The following HSCB variants were observed in gnomAD, a reference collection of about 807,000 sequenced individuals.
The protein encoded by HSCB is HscB mitochondrial iron-sulfur cluster cochaperone, also known as iron-sulfur cluster co-chaperone protein HscB.
A neutral mutation model predicts 31.3 loss-of-function variants in HSCB; 23 were observed. The observed-to-expected ratio is 0.74, with a 90% CI of 0.53 to 1.04. The LOEUF (loss-of-function observed/expected upper bound fraction) is 1.04. Among genes scored for constraint, HSCB ranks in the 50% least tolerant of loss-of-function variants. The pLI, the probability that HSCB is intolerant of heterozygous loss-of-function variation, is 0.00. For synonymous variants in HSCB, 110 were observed against 104.5 expected (o/e 1.05, Z -0.32); for missense variants, 297 against 288.1 (o/e 1.03, Z -0.22).
chr22:28,756,224 G>C (rs1377972215), intron 5 of HSCB, among the ~76,000 whole-genome samples: 1 of 151,406 alleles, frequency 6.6e-6, no homozygotes, highest in African/African-American at 2.4e-5. Flanking sequence ...CTCCAGCCTG[G>C]GCAACAGAGT....
chr22:28,742,445 G>T (rs1438923987), intron 1 of HSCB, 114 bp downstream of exon 1: 19 of 1,481,400 alleles, frequency 1.3e-5, no homozygotes, highest in Middle Eastern at 2.0e-4. Flanking sequence ...TGATGGGGGG[G>T]CGGAGGTCTA....
chr22:28,756,445 T>C lies in HSCB; in HGVS notation c.617-633T>C, dbSNP rs186638391. Among the ~76,000 whole-genome samples the C allele has an allele frequency of 7.5e-4, 112 of 150,032 alleles. No individual in the cohort carries two copies. The South Asian group carries it at 0.01, about 14-fold the overall frequency. ...ATACCACCACATGTTAGGGAGAAAT[T>C]TTTAAAACACAACCACCCACCCTTT... is the stretch of plus-strand genomic sequence containing the variant. On this transcript the variant is annotated intron_variant, in intron 5 of 5. Coordinates refer to ENST00000216027, the MANE Select transcript of HSCB (RefSeq NM_172002.5).
Position 28,742,048 on chromosome 22 carries a change from CTT to C in HSCB, c.-46_-45del. ...CAACATTAGTCTGGTTAGACGCTCT[CTT>C]TGCTTTTCCCCACGAGTGACCACGG... On this transcript the variant is annotated 5_prime_UTR_variant, in exon 1 of 6. Coordinates refer to ENST00000216027, the MANE Select transcript of HSCB (RefSeq NM_172002.5). 1 of 1,560,224 alleles carries C rather than the reference CTT, an allele frequency of 6.4e-7. No homozygotes were observed. The highest frequency in any genetic ancestry group is 8.7e-7 in the Non-Finnish European group (1 of 1,154,762).
chr22:28,747,885 A>G (rs1453243329), intron 4 of HSCB, among the ~76,000 whole-genome samples: 1 of 148,856 alleles, frequency 6.7e-6, no homozygotes, highest in Admixed American at 6.6e-5. Context: ...TTCCCCCCCA[A>G]AAAAATCTGT....
At position 28,751,305 on chromosome 22, in the gene HSCB, A is replaced by G. The variant is rs73881132; in HGVS notation, c.616+17A>G. The stretch of plus-strand genomic sequence containing the variant: ...TTGAACAAGGTACTTTCTTTTCTTC[A>G]CTTTCTTAAATATGGAAAGAAATTT... On this transcript the variant is annotated intron_variant, in intron 5 of 5. Coordinates refer to ENST00000216027, the MANE Select transcript of HSCB (RefSeq NM_172002.5). 89,529 of 1,524,988 alleles carry G rather than the reference A, an allele frequency of 0.059. 3,046 individuals are homozygous for G. Among genetic ancestry groups the G allele is most frequent in the African/African-American group, 0.11 (7,770 of 73,088 alleles). The allele number at this position is 1,524,988 out of a possible 1,614,324, so 94.5% of individuals were successfully genotyped here.
chr22:28,746,083 C>A (rs533699899), intron 4 of HSCB, 75 bp downstream of exon 4: 36 of 1,462,860 alleles, frequency 2.5e-5, no homozygotes, highest in Non-Finnish European at 3.3e-5. Flanking sequence ...GAAAAATGAA[C>A]GTAGAGTATA....
At chr22:28,752,385 C>A (rs1370686545) in intron 5 of HSCB, among the ~76,000 whole-genome samples, 1 of 147,300 alleles carries the variant, frequency 6.8e-6, no homozygotes, top group Non-Finnish European at 1.5e-5. Flanking sequence ...AAGCCAAGAT[C>A]ACGCCACTGC....
chr22:28,755,786 A>G (rs2030564415), intron 5 of HSCB, among the ~76,000 whole-genome samples: 1 of 152,180 alleles, frequency 6.6e-6, no homozygotes, highest in Admixed American at 6.6e-5. Context: ...ATTGTAAGCC[A>G]GATAATTCTT....
rs536821597 is a variant in HSCB, at chr22:28,747,969, A to C, written c.568+1961A>C. On this transcript the variant is annotated intron_variant, in intron 4 of 5. Coordinates refer to ENST00000216027, the MANE Select transcript of HSCB (RefSeq NM_172002.5). The stretch of plus-strand genomic sequence containing the variant: ...GGGAGGCCGAGGCAGGCAGATCACG[A>C]GGTCAGGAGATCAAGACCATCCTGG... Among the ~76,000 whole-genome samples, 4 of 152,208 alleles carry C rather than the reference A, an allele frequency of 2.6e-5. No individual in the cohort carries two copies. The South Asian group carries it at 8.3e-4, about 32-fold the overall frequency.
At chr22:28,750,680 G>T (rs557429563) in intron 4 of HSCB, among the ~76,000 whole-genome samples, 10 of 152,296 alleles carry the variant, frequency 6.6e-5, no homozygotes, top group Non-Finnish European at 1.2e-4. Flanking sequence ...TGGAAAATGA[G>T]ATTACTGGAA....
At chr22:28,744,727 C>T (rs369887813) in intron 3 of HSCB, 23 bp downstream of exon 3, 1 of 1,556,246 alleles carries the variant, frequency 6.4e-7, no homozygotes, top group Non-Finnish European at 8.9e-7. Context: ...CCCAACACTT[C>T]TGTGTATGAC....
At chr22:28,748,015 C>T (rs1430065101) in intron 4 of HSCB, among the ~76,000 whole-genome samples, 1 of 152,132 alleles carries the variant, frequency 6.6e-6, no homozygotes, top group Non-Finnish European at 1.5e-5. Flanking sequence ...GAAACCCTGT[C>T]TCTACTAAAA....
At chr22:28,747,163 C>G (rs1325900826) in intron 4 of HSCB, among the ~76,000 whole-genome samples, 1 of 152,142 alleles carries the variant, frequency 6.6e-6, no homozygotes, top group Admixed American at 6.6e-5. Flanking sequence ...TCCCAGAAAA[C>G]CTGTTTTTGC....
At chr22:28,753,899 G>C (rs5762776) in intron 5 of HSCB, among the ~76,000 whole-genome samples, 77,797 of 151,706 alleles carry the variant, frequency 0.51, 20,728 homozygotes, top group East Asian at 0.78. Flanking sequence ...AATCCTAGCA[G>C]TTTGGGAGGC....
At chr22:28,743,403 C>G (rs2054624269) in intron 1 of HSCB, among the ~76,000 whole-genome samples, 1 of 152,240 alleles carries the variant, frequency 6.6e-6, no homozygotes, top group South Asian at 2.1e-4. Flanking sequence ...CTGTATTTTA[C>G]AAGAAAGCAT....
intron 5 of HSCB, among the ~76,000 whole-genome samples, chr22:28,754,799 A>AT (rs34393370): frequency 7.1e-4 from 104 of 146,266 alleles, no homozygotes; most frequent in Admixed American, 1.1e-3. Context: ...TACCAACTTA[A>AT]TTTTTTTTTT....
At chr22:28,752,773 T>TA (rs976250939) in intron 5 of HSCB, among the ~76,000 whole-genome samples, 5 of 149,598 alleles carry the variant, frequency 3.3e-5, no homozygotes, top group African/African-American at 7.4e-5. Context: ...ACCTGCCACG[T>TA]AAAAAAAATG....
rs534703643 is a variant in HSCB at position 28,743,878 on chromosome 22, C to T, written c.237-4C>T. 5 of 1,612,704 alleles carry T rather than the reference C, an allele frequency of 3.1e-6. No individual in the cohort carries two copies. The African/African-American group carries it at 6.7e-5, about 22-fold the overall frequency. On this transcript the variant is annotated splice_polypyrimidine_tract_variant and splice_region_variant and intron_variant, in intron 1 of 5. Coordinates refer to ENST00000216027, the MANE Select transcript of HSCB (RefSeq NM_172002.5). ...ATAAATTTAATCTCCCAATTTCCTTCCAGCAACCGTTCCTTCAGAGTTGAT... is the reference window on the plus strand; with the variant it reads ...ATAAATTTAATCTCCCAATTTCCTTTCAGCAACCGTTCCTTCAGAGTTGAT...
chr22:28,748,372 C>G (rs915503434), intron 4 of HSCB, among the ~76,000 whole-genome samples: 1 of 152,182 alleles, frequency 6.6e-6, no homozygotes, highest in African/African-American at 2.4e-5. Flanking sequence ...TTCACTGCCA[C>G]CAGCCTTTTC....
Sources: allele counts gnomAD v4.1 joint callset (sites outside exome capture counted in the v4.1 genomes callset), GRCh38; gene constraint gnomAD v4.1.1; transcripts MANE v1.5; gene names NCBI Gene and HGNC (gene_info 2026-07-23, HGNC 2026-07-21).